The following DNAH14 variants were observed in gnomAD, a reference collection of about 807,000 sequenced individuals.
DNAH14 encodes dynein axonemal heavy chain 14.
DNAH14 carries 478 observed loss-of-function variants against 520.9 expected under a neutral mutation model. That is an observed-to-expected ratio of 0.92 (90% CI 0.85 to 0.99). The LOEUF (loss-of-function observed/expected upper bound fraction) is 0.99, where lower values mean the gene tolerates loss of function less well. Among genes scored for constraint, DNAH14 ranks in the 50% least tolerant of loss-of-function variants. The pLI, the probability that DNAH14 is intolerant of heterozygous loss-of-function variation, is 0.00. For synonymous variants in DNAH14, 1,581 were observed against 1,757.2 expected (o/e 0.90, Z 2.51); for missense variants, 4,831 against 5,234.5 (o/e 0.92, Z 2.38).
rs185154955 is a variant in DNAH14, at chr1:225,250,649, C to T, written c.6749-1652C>T. On this transcript the variant is annotated intron_variant, in intron 43 of 85. Coordinates refer to ENST00000682510, the MANE Select transcript of DNAH14 (RefSeq NM_001367479.1). ...AGAGAAAGAACATGACACATTGGGCCACTCAGGATGGAAGCACTGGGGTCA... is the reference window on the plus strand; with the variant it reads ...AGAGAAAGAACATGACACATTGGGCTACTCAGGATGGAAGCACTGGGGTCA... 7.9e-4 allele frequency: 422 copies of T among 536,990 alleles called. 3 individuals carry two copies. Among genetic ancestry groups the T allele is most frequent in the African/African-American group, 7.8e-3 (395 of 50,692 alleles). 33.3% of individuals were successfully genotyped at this position (536,990 alleles called of 1,614,324 possible). A position where few individuals can be genotyped will look rare whatever the true frequency, so the allele number is the denominator to read the frequency against.
intron 27 of DNAH14, among the ~76,000 whole-genome samples, chr1:225,132,564 C>CTT (rs2078537803): frequency 6.6e-6 from 1 of 152,158 alleles, no homozygotes; most frequent in South Asian, 2.1e-4. Flanking sequence ...CTTTTTATGG[C>CTT]TTTGTAGTAT....
In DNAH14 at chr1:225,145,371, G is replaced by T; in HGVS notation, c.4786G>T (p.Asp1596Tyr). ...GGTCTTCAACTGTTTTGAGGATTTG[G>T]ATTATAAGGTAAACCTTAAACATAT... Reference protein sequence around the residue: ...CVVFNCFEDLDYKIVRKFFFG... With the variant: ...CVVFNCFEDLYYKIVRKFFFG... The change falls in exon 30 of 86, where the codon GAT becomes TAT. Residue 1596 changes from aspartate to tyrosine, a missense_variant. Transcript: ENST00000682510. 1 of 1,545,832 alleles carries T rather than the reference G, an allele frequency of 6.5e-7. No homozygotes were observed.
intron 61 of DNAH14, among the ~76,000 whole-genome samples, chr1:225,322,402 A>G (rs2094575244): frequency 6.6e-6 from 1 of 152,048 alleles, no homozygotes; most frequent in South Asian, 2.1e-4. Flanking sequence ...GACTTTTTAT[A>G]ATAAAACTAA....
chr1:225,330,963 A>G (rs1258574304), intron 64 of DNAH14, among the ~76,000 whole-genome samples: 6 of 152,180 alleles, frequency 3.9e-5, no homozygotes, highest in Non-Finnish European at 8.8e-5. Flanking sequence ...AAAATAAAAA[A>G]TAATTTTTTC....
chr1:225,285,291 G>A (rs554282503), intron 54 of DNAH14, among the ~76,000 whole-genome samples: 31 of 152,168 alleles, frequency 2.0e-4, no homozygotes, highest in African/African-American at 6.7e-4. Flanking sequence ...GCTCATGCCT[G>A]TAATCCCAGA....
intron 75 of DNAH14, among the ~76,000 whole-genome samples, chr1:225,361,180 C>T (rs1038531989): frequency 6.6e-6 from 1 of 152,208 alleles, no homozygotes; most frequent in African/African-American, 2.4e-5. Context: ...TATAAGCATA[C>T]ACACACATTA....
rs75170640 is a variant in DNAH14 at position 225,364,056 on chromosome 1, C to T, written c.11988-736C>T. On this transcript the variant is annotated intron_variant, in intron 75 of 85. Coordinates refer to ENST00000682510, the MANE Select transcript of DNAH14 (RefSeq NM_001367479.1). ...TTGGGTTTTAGCTGATATTTTCTTACGGTTAGATTAAGGCTATGCAGTATT... is the reference window on the plus strand; with the variant it reads ...TTGGGTTTTAGCTGATATTTTCTTATGGTTAGATTAAGGCTATGCAGTATT... Among the ~76,000 whole-genome samples the T allele has an allele frequency of 3.7e-3, 569 of 152,162 alleles. 3 individuals are homozygous for T. The highest frequency in any genetic ancestry group is 0.013 in the African/African-American group (529 of 41,504).
intron 42 of DNAH14, among the ~76,000 whole-genome samples, chr1:225,238,094 A>G (rs2091723446): frequency 6.6e-6 from 1 of 152,126 alleles, no homozygotes; most frequent in Admixed American, 6.6e-5. Flanking sequence ...ATTATTACCC[A>G]CATTCTGAAG....
intron 17 of DNAH14, among the ~76,000 whole-genome samples, chr1:225,052,367 A>G (rs1275375763): frequency 6.6e-6 from 1 of 152,176 alleles, no homozygotes; most frequent in African/African-American, 2.4e-5. Flanking sequence ...ATTTCTACCT[A>G]TCATCTATAT....
At chr1:225,226,585 G>T (rs1372064696) in intron 41 of DNAH14, among the ~76,000 whole-genome samples, 1 of 152,200 alleles carries the variant, frequency 6.6e-6, no homozygotes, top group Non-Finnish European at 1.5e-5. Context: ...TCTTAGACTG[G>T]AGCCACCATG....
chr1:225,284,668 C>CAA (rs1333620039), intron 54 of DNAH14, among the ~76,000 whole-genome samples: 1 of 152,068 alleles, frequency 6.6e-6, no homozygotes, highest in Admixed American at 6.6e-5. Flanking sequence ...CAAAACTAGA[C>CAA]AAAGTCATCA....
chr1:224,959,343 G>C (rs2060705542), intron 3 of DNAH14, among the ~76,000 whole-genome samples: 1 of 151,938 alleles, frequency 6.6e-6, no homozygotes, highest in Non-Finnish European at 1.5e-5. Flanking sequence ...GAACAGGAGA[G>C]GTCTGTGGTC....
intron 35 of DNAH14, among the ~76,000 whole-genome samples, chr1:225,165,185 A>G (rs1018297212): frequency 6.6e-5 from 10 of 151,866 alleles, no homozygotes; most frequent in Non-Finnish European, 1.0e-4. Context: ...ATATTATTCC[A>G]TTTTCCTGTT....
intron 41 of DNAH14, among the ~76,000 whole-genome samples, chr1:225,228,392 G>A (rs1336374787): frequency 1.3e-5 from 2 of 152,206 alleles, no homozygotes; most frequent in African/African-American, 2.4e-5. Context: ...GGGAGCATAA[G>A]CATATCTGTG....
intron 37 of DNAH14, among the ~76,000 whole-genome samples, chr1:225,187,766 C>T (rs12729289): frequency 0.13 from 19,395 of 151,758 alleles, 1,396 homozygotes; most frequent in East Asian, 0.31. Context: ...CATGTCTGTT[C>T]ATGTCTTTGT....
intron 43 of DNAH14, among the ~76,000 whole-genome samples, chr1:225,243,263 T>C (rs186502574): frequency 8.1e-4 from 123 of 152,262 alleles, no homozygotes; most frequent in Non-Finnish European, 1.4e-3. Flanking sequence ...AATTTTGCTT[T>C]GTCATCTGAA....
intron 33 of DNAH14, among the ~76,000 whole-genome samples, chr1:225,153,158 A>AT (rs1055348083): frequency 6.6e-6 from 1 of 152,096 alleles, no homozygotes; most frequent in Non-Finnish European, 1.5e-5. Flanking sequence ...ATTACGGACT[A>AT]TTTTTTTCCA....
intron 77 of DNAH14, among the ~76,000 whole-genome samples, chr1:225,373,906 G>C (rs933272612): frequency 6.6e-6 from 1 of 151,322 alleles, no homozygotes; most frequent in Non-Finnish European, 1.5e-5. Context: ...CAGGCGGATC[G>C]CTTGAGCGCA....
chr1:225,235,647 C>T (rs891063118), intron 42 of DNAH14, among the ~76,000 whole-genome samples: 2 of 152,102 alleles, frequency 1.3e-5, no homozygotes, highest in Non-Finnish European at 2.9e-5. Flanking sequence ...TAGTAGAATT[C>T]AGCTGTGAAT....
Sources: gnomAD v4.1 joint callset for allele counts (sites outside exome capture counted in the v4.1 genomes callset) on GRCh38, gnomAD v4.1.1 for gene constraint, MANE v1.5 for transcripts, NCBI Gene and HGNC (gene_info 2026-07-23, HGNC 2026-07-21) for gene names.